RASGEF1C: variants seen among roughly 807,000 people sequenced by gnomAD.
RASGEF1C encodes the protein RasGEF domain family member 1C, also known as ras-GEF domain-containing family member 1C.
A neutral mutation model predicts 58.1 loss-of-function variants in RASGEF1C; 27 were observed. The observed-to-expected ratio is 0.46, with a 90% confidence interval of 0.34 to 0.64. The LOEUF is 0.64. RASGEF1C is among the 30% of genes least tolerant of loss of function. RASGEF1C has a pLI of 0.01. For synonymous variants in RASGEF1C, 243 were observed against 246.3 expected, an observed-to-expected ratio of 0.99 and a Z score of 0.13; for missense variants, 502 against 605.1, an observed-to-expected ratio of 0.83 and a Z score of 1.79.
intron 12 of RASGEF1C, among the ~76,000 whole-genome samples, chr5:180,106,485 A>G (rs1765875934): frequency 6.6e-6 from 1 of 152,190 alleles, no homozygotes. Flanking sequence ...ATTTTCAGTC[A>G]GTTCAATTAT....
chr5:180,159,879 G>A (rs147813831), intron 1 of RASGEF1C, among the ~76,000 whole-genome samples: 7 of 152,352 alleles, frequency 4.6e-5, no homozygotes, highest in East Asian at 3.9e-4. Context: ...TCTTGCCAGC[G>A]GGACTGGAGG....
intron 1 of RASGEF1C, among the ~76,000 whole-genome samples, chr5:180,196,773 G>A (rs902340517): frequency 6.6e-6 from 1 of 152,078 alleles, no homozygotes; most frequent in Non-Finnish European, 1.5e-5. Flanking sequence ...ATGCTGGCGG[G>A]CAATCAACCT....
chr5:180,195,775 A>AG (rs1444542550), intron 1 of RASGEF1C, among the ~76,000 whole-genome samples: 2 of 149,300 alleles, frequency 1.3e-5, no homozygotes, highest in Non-Finnish European at 3.0e-5. Flanking sequence ...AAAAAAAAGA[A>AG]AAAAAAAAAA....
At position 180,198,460 on chromosome 5, in the gene RASGEF1C, G is replaced by C. The variant is rs34687595; in HGVS notation, c.-7+10568C>G. On this transcript the variant is annotated intron_variant, in intron 1 of 13. Coordinates refer to ENST00000361132, the MANE Select transcript of RASGEF1C (RefSeq NM_175062.4). The surrounding 1 kb of genome is among the most constrained non-coding windows in gnomAD (Gnocchi z 4.5). ...CTGCTGCTATAACAAAATACCTGAGGCTGGATAATTTATAAGTAGTAGAAA... is the reference window on the plus strand; with the variant it reads ...CTGCTGCTATAACAAAATACCTGAGCCTGGATAATTTATAAGTAGTAGAAA... 0.045 allele frequency among the ~76,000 whole-genome samples: 6,811 copies of C among 152,202 alleles called. 185 individuals carry two copies. The highest frequency in any genetic ancestry group is 0.073 in the African/African-American group (3,024 of 41,516).
At chr5:180,115,306 A>T (rs1167107151) in intron 10 of RASGEF1C, 3 of 440,370 alleles carry the variant, frequency 6.8e-6, no homozygotes, top group Non-Finnish European at 1.3e-5. Flanking sequence ...AAAAAAAAAA[A>T]ATTTAACAAT....
At position 180,180,950 on chromosome 5, in the gene RASGEF1C, C is replaced by G. The variant is rs534257826; in HGVS notation, c.-7+28078G>C. 3.7e-3 allele frequency among the ~76,000 whole-genome samples: 566 copies of G among 152,330 alleles called. 2 individuals carry two copies. Among genetic ancestry groups the G allele is most frequent in the African/African-American group, 0.013 (521 of 41,578 alleles). On this transcript the variant is annotated intron_variant, in intron 1 of 13. Transcript: ENST00000361132. ...GATCGCCGCATACAGCACTATCAAT[C>G]AATGTTCACACAAAACTAGAAATGG...
At chr5:180,129,539 C>G (rs1488435232) in intron 4 of RASGEF1C, among the ~76,000 whole-genome samples, 2 of 152,202 alleles carry the variant, frequency 1.3e-5, no homozygotes, top group Non-Finnish European at 2.9e-5. Flanking sequence ...AGCCCCCAGA[C>G]CCTCACAGCC....
In RASGEF1C at chr5:180,209,126, C is replaced by G. The variant is rs1756555075; in HGVS notation, c.-105G>C. Reference sequence around the variant, plus strand: ...GGGGCGCCGCCCGCCGCCGCCGCCGCCGCCGCCGCCGCCGCCGCCGCCGCC... The same window carrying G: ...GGGGCGCCGCCCGCCGCCGCCGCCGGCGCCGCCGCCGCCGCCGCCGCCGCC... On this transcript the variant is annotated 5_prime_UTR_variant, in exon 1 of 14. Coordinates refer to ENST00000361132, the MANE Select transcript of RASGEF1C (RefSeq NM_175062.4). 1.1e-4 allele frequency: 1 copy of G among 8,904 alleles called. No homozygotes were observed. Among genetic ancestry groups the G allele is most frequent in the Non-Finnish European group, 3.7e-4 (1 of 2,698 alleles). 0.6% of individuals were successfully genotyped at this position (8,904 alleles called of 1,614,324 possible).
At chr5:180,180,392 C>A (rs1434648712) in intron 1 of RASGEF1C, among the ~76,000 whole-genome samples, 1 of 152,216 alleles carries the variant, frequency 6.6e-6, no homozygotes, top group African/African-American at 2.4e-5. Flanking sequence ...AGACGAGCTC[C>A]ACGACCCAAA....
chr5:180,113,225 G>T (rs1471089594), intron 11 of RASGEF1C, among the ~76,000 whole-genome samples: 3 of 86,306 alleles, frequency 3.5e-5, no homozygotes, highest in African/African-American at 8.3e-5. Context: ...ATGGACGGAG[G>T]GACAGGGGAT....
intron 1 of RASGEF1C, among the ~76,000 whole-genome samples, chr5:180,188,360 A>C (rs1056161503): frequency 3.3e-5 from 5 of 152,328 alleles, no homozygotes; most frequent in Middle Eastern, 3.4e-3. Flanking sequence ...TGAGTATAAA[A>C]TGTTCTTTGG....
chr5:180,102,032 C>G (rs373259022), intron 13 of RASGEF1C, 39 bp downstream of exon 13: 23 of 1,000,924 alleles, frequency 2.3e-5, no homozygotes, highest in Non-Finnish European at 3.5e-5. Flanking sequence ...CTTTCCATCC[C>G]AAGCAGCCCC....
intron 1 of RASGEF1C, among the ~76,000 whole-genome samples, chr5:180,139,390 T>C (rs1019874315): frequency 6.6e-6 from 1 of 152,158 alleles, no homozygotes; most frequent in African/African-American, 2.4e-5. Flanking sequence ...GACCCTGGCC[T>C]ATTTCTCCTT....
chr5:180,183,112 A>T (rs574976171), intron 1 of RASGEF1C, among the ~76,000 whole-genome samples: 94 of 152,246 alleles, frequency 6.2e-4, no homozygotes, highest in Admixed American at 4.2e-3. Flanking sequence ...AAGCTTTTTT[A>T]AAAAAAGGTC....
chr5:180,155,098 A>G lies in RASGEF1C; in HGVS notation c.-6-17040T>C, dbSNP rs1192474788. Reference sequence around the variant, plus strand: ...GCTTCTGGGCAGCCCTGATGGACTGAGCTGAAGGAGAGGCCTCAGACCACA... The same window carrying G: ...GCTTCTGGGCAGCCCTGATGGACTGGGCTGAAGGAGAGGCCTCAGACCACA... On this transcript the variant is annotated intron_variant, in intron 1 of 13. Transcript: ENST00000361132. The surrounding 1 kb of genome is among the most constrained non-coding windows in gnomAD (Gnocchi z 5.2). Among the ~76,000 whole-genome samples the G allele has an allele frequency of 6.6e-6, 1 of 152,160 alleles. No individual in the cohort carries two copies. Among genetic ancestry groups the G allele is most frequent in the African/African-American group, 2.4e-5 (1 of 41,436 alleles).
At chr5:180,145,471 C>T (rs535784750) in intron 1 of RASGEF1C, among the ~76,000 whole-genome samples, 20 of 152,328 alleles carry the variant, frequency 1.3e-4, no homozygotes, top group Non-Finnish European at 2.6e-4. Context: ...TCCAATTTCT[C>T]CACATCCTTG....
intron 12 of RASGEF1C, among the ~76,000 whole-genome samples, chr5:180,109,326 T>G (rs550786495): frequency 1.2e-4 from 18 of 151,820 alleles, no homozygotes; most frequent in African/African-American, 4.1e-4. Context: ...GGCGTGGTGG[T>G]GGGTGCCTGT....
At chr5:180,193,854 A>G (rs1561757967) in intron 1 of RASGEF1C, among the ~76,000 whole-genome samples, 1 of 152,196 alleles carries the variant, frequency 6.6e-6, no homozygotes, top group Non-Finnish European at 1.5e-5. Context: ...AGTCCCCATC[A>G]GTCCAGGAGG....
chr5:180,101,987 C>T (rs563069016), intron 13 of RASGEF1C, 84 bp downstream of exon 13: 23 of 911,290 alleles, frequency 2.5e-5, no homozygotes, highest in South Asian at 9.7e-5. Context: ...AAGCAGTCCC[C>T]GGGTCCCACC....
Sources: gnomAD v4.1 joint callset for allele counts (sites outside exome capture counted in the v4.1 genomes callset) on GRCh38, gnomAD v4.1.1 for gene constraint, Gnocchi (gnomAD v3.1) non-coding constraint, MANE v1.5 for transcripts, NCBI Gene and HGNC (gene_info 2026-07-23, HGNC 2026-07-21) for gene names.